CDH8: variants seen among roughly 807,000 people sequenced by gnomAD.
The protein encoded by CDH8 is cadherin-8.
CDH8 carries 17 observed loss-of-function variants against 68.1 expected under a neutral mutation model. The ratio of observed to expected loss-of-function variants is 0.25; its 90% confidence interval spans 0.17 to 0.37. The LOEUF (loss-of-function observed/expected upper bound fraction) is 0.37, where lower values mean the gene tolerates loss of function less well. CDH8 is among the 10% of genes least tolerant of loss of function. The pLI is 1.00. For synonymous variants in CDH8, 372 were observed against 365.1 expected (o/e 1.02, Z -0.21); for missense variants, 763 against 999.3 (o/e 0.76, Z 3.19).
At chr16:61,755,765 T>TCTTCTCCTTCTC (rs138172833) in intron 8 of CDH8, among the ~76,000 whole-genome samples, 20 of 151,068 alleles carry the variant, frequency 1.3e-4, no homozygotes, top group South Asian at 1.3e-3. Context: ...TTTTTCTTCT[T>TCTTCTCCTTCTC]CTTCTCCTTC....
chr16:61,996,744 A>G (rs1965810253), intron 2 of CDH8, among the ~76,000 whole-genome samples: 1 of 152,112 alleles, frequency 6.6e-6, no homozygotes, highest in Non-Finnish European at 1.5e-5. Context: ...TTATTTATTC[A>G]TTTATATTTA....
intron 7 of CDH8, among the ~76,000 whole-genome samples, chr16:61,801,874 C>G (rs1046738140): frequency 1.3e-5 from 2 of 151,714 alleles, no homozygotes; most frequent in African/African-American, 4.9e-5. Flanking sequence ...TGCAAGGCGG[C>G]AGCGAGGCTG....
intron 2 of CDH8, among the ~76,000 whole-genome samples, chr16:61,986,593 A>G (rs994698780): frequency 2.6e-5 from 4 of 152,226 alleles, no homozygotes; most frequent in African/African-American, 9.6e-5. Context: ...ATGAGAACTA[A>G]GTCTGAGCAA....
At chr16:61,949,303 G>C (rs762979997) in intron 2 of CDH8, among the ~76,000 whole-genome samples, 1 of 152,046 alleles carries the variant, frequency 6.6e-6, no homozygotes, top group Non-Finnish European at 1.5e-5. Context: ...GCACCAATCA[G>C]CACTCTGTGC....
intron 7 of CDH8, among the ~76,000 whole-genome samples, chr16:61,789,837 T>G (rs1961337325): frequency 6.6e-6 from 1 of 152,064 alleles, no homozygotes; most frequent in African/African-American, 2.4e-5. Context: ...TATAAAACAA[T>G]GAATTCAAGC....
At chr16:61,746,556 A>AACACACACACACACACACAC (rs71675273) in intron 8 of CDH8, among the ~76,000 whole-genome samples, 5 of 140,110 alleles carry the variant, frequency 3.6e-5, no homozygotes, top group African/African-American at 1.1e-4. Context: ...ATTCCCCCCC[A>AACACACACACACACACACAC]ACACACACAC....
intron 8 of CDH8, among the ~76,000 whole-genome samples, chr16:61,768,631 C>G (rs1960700438): frequency 6.6e-6 from 1 of 151,424 alleles, no homozygotes; most frequent in Non-Finnish European, 1.5e-5. Flanking sequence ...AATGTATTTC[C>G]TTTGGGGTTA....
At chr16:61,870,894 C>T (rs557870782) in intron 3 of CDH8, among the ~76,000 whole-genome samples, 10 of 152,164 alleles carry the variant, frequency 6.6e-5, no homozygotes, top group African/African-American at 2.4e-4. Flanking sequence ...TATAAAGGAG[C>T]TTCTATGTTT....
At chr16:61,959,507 G>T (rs567506882) in intron 2 of CDH8, among the ~76,000 whole-genome samples, 51 of 141,890 alleles carry the variant, frequency 3.6e-4, no homozygotes, top group Non-Finnish European at 6.8e-4. Flanking sequence ...GCAAAAGCCA[G>T]CCCTGCCTTA....
At chr16:61,955,251 A>G (rs1294177196) in intron 2 of CDH8, among the ~76,000 whole-genome samples, 2 of 152,236 alleles carry the variant, frequency 1.3e-5, no homozygotes, top group Non-Finnish European at 2.9e-5. Context: ...CTCTATATAT[A>G]ATGAACCATA....
intron 2 of CDH8, among the ~76,000 whole-genome samples, chr16:61,997,783 C>A (rs1965830650): frequency 6.6e-6 from 1 of 152,074 alleles, no homozygotes; most frequent in Admixed American, 6.6e-5. Flanking sequence ...AAACGCCTAA[C>A]TTGTAGTACT....
At chr16:61,894,704 T>C (rs965601188) in intron 3 of CDH8, among the ~76,000 whole-genome samples, 23 of 152,136 alleles carry the variant, frequency 1.5e-4, no homozygotes, top group Non-Finnish European at 2.9e-4. Context: ...AACATAGCCA[T>C]ATTTTACACA....
chr16:61,717,747 C>G (rs1340925716), intron 9 of CDH8, among the ~76,000 whole-genome samples: 2 of 151,120 alleles, frequency 1.3e-5, no homozygotes, highest in African/African-American at 4.9e-5. Context: ...TGAGATATCC[C>G]CCCTCACTAC....
chr16:61,791,330 A>G (rs775136079), intron 7 of CDH8, among the ~76,000 whole-genome samples: 3 of 152,012 alleles, frequency 2.0e-5, no homozygotes, highest in Non-Finnish European at 4.4e-5. Context: ...AATGTATTGT[A>G]TTATGGAAAG....
At chr16:61,787,793 G>A (rs1443055766) in intron 8 of CDH8, among the ~76,000 whole-genome samples, 2 of 151,396 alleles carry the variant, frequency 1.3e-5, no homozygotes, top group Non-Finnish European at 2.9e-5. Context: ...CCTTTGTAGG[G>A]ACATGGATGA....
chr16:61,706,132 G>T (rs1294849225), intron 10 of CDH8, among the ~76,000 whole-genome samples: 2 of 152,192 alleles, frequency 1.3e-5, no homozygotes, highest in Non-Finnish European at 2.9e-5. Context: ...TGCCTTAGCA[G>T]TTACCACCCT....
At chr16:61,781,691 CT>C (rs1567467582) in intron 8 of CDH8, among the ~76,000 whole-genome samples, 1 of 152,124 alleles carries the variant, frequency 6.6e-6, no homozygotes, top group Admixed American at 6.5e-5. Flanking sequence ...TTAAAGAAGA[CT>C]GGATTTTTTT....
intron 9 of CDH8, among the ~76,000 whole-genome samples, chr16:61,724,868 G>A: frequency 6.6e-6 from 1 of 150,644 alleles, no homozygotes; most frequent in Admixed American, 6.7e-5. Flanking sequence ...TCCAAATTTT[G>A]GTAAATGTTA....
intron 3 of CDH8, among the ~76,000 whole-genome samples, chr16:61,872,497 C>A (rs1244840213): frequency 6.6e-6 from 1 of 152,146 alleles, no homozygotes; most frequent in East Asian, 1.9e-4. Flanking sequence ...GAGTTATTAT[C>A]AATACAAAGG....
Sources: allele counts gnomAD v4.1 joint callset (sites outside exome capture counted in the v4.1 genomes callset), GRCh38; gene constraint gnomAD v4.1.1; transcripts MANE v1.5; gene names NCBI Gene and HGNC (gene_info 2026-07-23, HGNC 2026-07-21).